Variants in HELQ observed in about 807,000 individuals in gnomAD.
The protein encoded by HELQ is helicase POLQ-like.
HELQ carries 77 observed loss-of-function variants against 111.6 expected under a neutral mutation model. That is an observed-to-expected ratio of 0.69 (90% CI 0.57 to 0.83). The LOEUF is 0.83. Among genes scored for constraint, HELQ ranks in the 40% least tolerant of loss-of-function variants. The pLI, the probability that HELQ is intolerant of heterozygous loss-of-function variation, is 0.00. For synonymous variants in HELQ, 438 were observed against 454.7 expected (o/e 0.96, Z 0.47); for missense variants, 1,200 against 1,288.5 (o/e 0.93, Z 1.05).
Position 83,453,820 on chromosome 4 carries a change from T to TGATTTTCA in HELQ, c.422_423insTGAAAATC (p.Asp142GlufsTer24). ...AGCAAAGATTTTCAGTGGCAAAGTC[T>TGATTTTCA]GTAGCATGTTTCTTATGTTCAGGGA... On this transcript the variant is annotated frameshift_variant, in exon 2 of 18. Coordinates refer to ENST00000295488, the MANE Select transcript of HELQ (RefSeq NM_133636.5). LOFTEE classifies it high-confidence loss of function. 6.2e-7 allele frequency: 1 copy of TGATTTTCA among 1,614,146 alleles called. No individual in the cohort carries two copies. The highest frequency in any genetic ancestry group is 1.3e-5 in the African/African-American group (1 of 75,052).
intron 5 of HELQ, 26 bp from the exon 6 acceptor site, chr4:83,443,640 A>C (rs1190381074): frequency 1.9e-6 from 2 of 1,047,814 alleles, no homozygotes; most frequent in Non-Finnish European, 2.9e-6. Context: ...ACAAAAGCCA[A>C]AGTGTTAAGG....
intron 1 of HELQ, among the ~76,000 whole-genome samples, chr4:83,454,590 A>T (rs1424442669): frequency 4.3e-4 from 62 of 144,744 alleles, no homozygotes; most frequent in South Asian, 1.5e-3. Flanking sequence ...AGAAAAAAAA[A>T]TTTTTTTTTT....
At chr4:83,409,382 C>T (rs1317015390) in intron 17 of HELQ, among the ~76,000 whole-genome samples, 1 of 152,062 alleles carries the variant, frequency 6.6e-6, no homozygotes, top group Non-Finnish European at 1.5e-5. Context: ...AACCCCATCT[C>T]TACTAAAAAT....
At chr4:83,455,851 A>T, upstream of HELQ, 2 of 795,618 alleles carry the variant, frequency 2.5e-6, no homozygotes, top group Non-Finnish European at 4.0e-6. Context: ...AGCACGCATA[A>T]ACTTCTACCC....
Position 83,407,549 on chromosome 4 carries a change from A to C in HELQ, c.3210T>G (p.His1070Gln). Residue 1070 changes from histidine to glutamine, a missense_variant, in exon 18 of 18, where the codon CAT (histidine) becomes CAG (glutamine). This residue lies in a region of HELQ where 585 missense variants were observed against 665.3 expected (regional missense o/e 0.88). Transcript: ENST00000295488. ...QIVSSAKMLLHEKAEALQEEV... is the reference protein window; with the variant it reads ...QIVSSAKMLLQEKAEALQEEV... The stretch of plus-strand genomic sequence containing the variant: ...CTTCTTGCAGGGCTTCTGCTTTTTC[A>C]TGCAACAGCATCTACATTAAAAAAT... The C allele has an allele frequency of 7.5e-6, 12 of 1,608,106 alleles. No homozygotes were observed. Among genetic ancestry groups the C allele is most frequent in the Non-Finnish European group, 1.0e-5 (12 of 1,177,668 alleles).
At chr4:83,425,031 A>G (rs891913247) in intron 14 of HELQ, among the ~76,000 whole-genome samples, 27 of 151,766 alleles carry the variant, frequency 1.8e-4, no homozygotes, top group Non-Finnish European at 1.8e-4. Flanking sequence ...TGTAATCCCA[A>G]TGCTTTGGGA....
At chr4:83,432,300 C>T in intron 9 of HELQ, 33 bp from the exon 10 acceptor site, 1 of 1,450,516 alleles carries the variant, frequency 6.9e-7, no homozygotes, top group African/African-American at 1.4e-5. Context: ...TACTCTACAG[C>T]AAACAGCACC....
At chr4:83,421,259 AAC>A (rs1259242084) in intron 15 of HELQ, among the ~76,000 whole-genome samples, 3 of 152,330 alleles carry the variant, frequency 2.0e-5, no homozygotes, top group South Asian at 4.1e-4. Flanking sequence ...GGTTGTTTTT[AAC>A]AGTTAATTCT....
At position 83,427,565 on chromosome 4, in the gene HELQ, GC is replaced by G; in HGVS notation, c.2673del (p.Arg891SerfsTer13). ...GTTGAAAAACGTTATATTCTCACCTGCCTGAAGTATATCATCCAATCAGGGT... is the reference window on the plus strand; with the variant it reads ...GTTGAAAAACGTTATATTCTCACCTGCTGAAGTATATCATCCAATCAGGGT... ...QCNPDWMIYF[R>X]QFSQLSPAEQ... On this transcript the variant is annotated frameshift_variant, in exon 13 of 18. Transcript: ENST00000295488. LOFTEE classifies it high-confidence loss of function. 6.5e-7 allele frequency: 1 copy of G among 1,539,990 alleles called. No individual in the cohort carries two copies.
chr4:83,448,743 A>T (rs749753482), intron 3 of HELQ, 40 bp downstream of exon 3: 1 of 1,519,292 alleles, frequency 6.6e-7, no homozygotes, highest in Non-Finnish European at 9.0e-7. Flanking sequence ...TCAAAGTACT[A>T]GCAAATAACA....
At chr4:83,411,805 A>T (rs76260487) in intron 17 of HELQ, among the ~76,000 whole-genome samples, 1 of 147,324 alleles carries the variant, frequency 6.8e-6, no homozygotes, top group African/African-American at 2.5e-5. Flanking sequence ...CTGGCTAATT[A>T]AAAAAAAAAA....
intron 13 of HELQ, 52 bp downstream of exon 13, chr4:83,427,511 T>C: frequency 1.4e-6 from 2 of 1,394,348 alleles, no homozygotes; most frequent in Non-Finnish European, 1.9e-6. Context: ...CAAAACAGCA[T>C]GTAATAATTC....
intron 5 of HELQ, 68 bp from the exon 6 acceptor site, chr4:83,443,682 T>A: frequency 1.6e-6 from 1 of 613,502 alleles, no homozygotes; most frequent in Non-Finnish European, 2.8e-6. Context: ...CATAAAGTAA[T>A]TTTAGCAAGT....
intron 11 of HELQ, among the ~76,000 whole-genome samples, chr4:83,430,471 G>T (rs1323190059): frequency 6.6e-6 from 1 of 152,004 alleles, no homozygotes; most frequent in Non-Finnish European, 1.5e-5. Flanking sequence ...AACTTACAAT[G>T]GCAATCATAA....
At chr4:83,429,782 T>G in intron 11 of HELQ, 36 bp from the exon 12 acceptor site, 1 of 1,398,284 alleles carries the variant, frequency 7.2e-7, no homozygotes, top group Non-Finnish European at 1.0e-6. Flanking sequence ...AGCATTTTCC[T>G]TAATTCAAGG....
At chr4:83,421,493 G>A in intron 15 of HELQ, 70 bp downstream of exon 15, 1 of 1,132,672 alleles carries the variant, frequency 8.8e-7, no homozygotes, top group Non-Finnish European at 1.3e-6. Flanking sequence ...TGACTAACTG[G>A]CTTATTAGTT....
At chr4:83,454,022 G>T in intron 1 of HELQ, 77 bp from the exon 2 acceptor site, 1 of 872,062 alleles carries the variant, frequency 1.1e-6, no homozygotes, top group Non-Finnish European at 1.8e-6. Context: ...TGGCCAACAT[G>T]GTCAAACCCC....
At chr4:83,442,025 A>G (rs1476237541) in intron 6 of HELQ, among the ~76,000 whole-genome samples, 1 of 152,088 alleles carries the variant, frequency 6.6e-6, no homozygotes, top group Admixed American at 6.5e-5. Context: ...ACAGCCTCTC[A>G]AAGTGCTAGG....
rs894405798 is a variant in HELQ, at chr4:83,455,706, G to C, written c.-13C>G. 1.3e-5 allele frequency: 20 copies of C among 1,597,708 alleles called. No individual in the cohort carries two copies. Among genetic ancestry groups the C allele is most frequent in the Non-Finnish European group, 1.6e-5 (19 of 1,178,824 alleles). On this transcript the variant is annotated 5_prime_UTR_variant, in exon 1 of 18. Transcript: ENST00000295488. ...CACATTCATCCATGGCAAGGACCCA[G>C]GGCCCTATTCAGACGTCGTTCTCAG...
Sources: allele counts gnomAD v4.1 joint callset (sites outside exome capture counted in the v4.1 genomes callset), GRCh38; gene constraint gnomAD v4.1.1; regional missense constraint gnomAD v4.1.1; transcripts MANE v1.5; gene names NCBI Gene and HGNC (gene_info 2026-07-23, HGNC 2026-07-21).